Variants in PSTPIP1 observed in about 807,000 individuals in gnomAD.
The protein encoded by PSTPIP1 is proline-serine-threonine phosphatase-interacting protein 1.
Under a neutral mutation model 69.6 loss-of-function variants are expected in PSTPIP1, and 66 were observed. That is an observed-to-expected ratio of 0.95 (90% CI 0.78 to 1.16). The LOEUF (loss-of-function observed/expected upper bound fraction) is 1.16, where lower values mean the gene tolerates loss of function less well. PSTPIP1 is among the 50% of genes most tolerant of loss of function. The pLI, the probability that PSTPIP1 is intolerant of heterozygous loss-of-function variation, is 0.00. For synonymous variants in PSTPIP1, 266 were observed against 222.7 expected, an observed-to-expected ratio of 1.19 and a Z score of -1.73; for missense variants, 603 against 557.4, an observed-to-expected ratio of 1.08 and a Z score of -0.82.
chr15:77,008,817 G>A (rs1328740382), intron 1 of PSTPIP1, among the ~76,000 whole-genome samples: 1 of 152,130 alleles, frequency 6.6e-6, no homozygotes, highest in Non-Finnish European at 1.5e-5. Context: ...CTGGGGTAGG[G>A]GGAGCATCTG....
intron 1 of PSTPIP1, among the ~76,000 whole-genome samples, chr15:77,003,580 C>G (rs2075755812): frequency 6.6e-6 from 1 of 151,874 alleles, no homozygotes; most frequent in Non-Finnish European, 1.5e-5. Flanking sequence ...CGCTTGAACC[C>G]AGGAGGTGGA....
chr15:77,035,871 A>C lies in PSTPIP1; in HGVS notation c.1055A>C (p.Glu352Ala). Residue 352 changes from glutamate to alanine, a missense_variant, in exon 14 of 15, where the codon GAG (glutamate) becomes GCG (alanine). Coordinates refer to ENST00000558012, the MANE Select transcript of PSTPIP1 (RefSeq NM_003978.5). ...GTCTACACAGCCATCGCAGTGCAGG[A>C]GATACAGGGAAACCCGGCCTCACCA... The part of the protein sequence containing the change: ...EGVYTAIAVQ[E>A]IQGNPASPAQ... 3.7e-6 allele frequency: 6 copies of C among 1,610,606 alleles called. No homozygotes were observed. The highest frequency in any genetic ancestry group is 1.8e-4 in the Middle Eastern group (1 of 5,698).
chr15:77,005,438 G>A (rs2075796666), intron 1 of PSTPIP1, among the ~76,000 whole-genome samples: 1 of 152,138 alleles, frequency 6.6e-6, no homozygotes, highest in Non-Finnish European at 1.5e-5. Context: ...CATACATCTG[G>A]TTTTTACCAT....
At chr15:77,028,488 C>A in intron 6 of PSTPIP1, 66 bp from the exon 7 acceptor site, 1 of 1,354,414 alleles carries the variant, frequency 7.4e-7, no homozygotes, top group Non-Finnish European at 1.0e-6. Context: ...GCTAAGGGAG[C>A]CTCACTCCCG....
intron 1 of PSTPIP1, among the ~76,000 whole-genome samples, chr15:76,999,201 G>A (rs554343807): frequency 1.3e-5 from 2 of 152,234 alleles, no homozygotes; most frequent in East Asian, 1.9e-4. Flanking sequence ...GGCTGAGGAC[G>A]TGTTCATAGA....
intron 3 of PSTPIP1, among the ~76,000 whole-genome samples, chr15:77,019,089 C>T (rs547616901): frequency 6.6e-6 from 1 of 152,324 alleles, no homozygotes; most frequent in African/African-American, 2.4e-5. Flanking sequence ...TTAGCTGAGG[C>T]CTGGTTAGAG....
chr15:77,032,934 C>T lies in PSTPIP1; in HGVS notation c.911C>T (p.Ser304Phe). 6.2e-7 allele frequency: 1 copy of T among 1,604,332 alleles called. No homozygotes were observed. Among genetic ancestry groups the T allele is most frequent in the Middle Eastern group, 1.7e-4 (1 of 6,042 alleles). Residue 304 changes from serine (S) to phenylalanine (F), a missense_variant, in exon 12 of 15, where the codon TCC becomes TTC. Physicochemically the swap from Ser to Phe is radical, Grantham distance 155. Coordinates refer to ENST00000558012, the MANE Select transcript of PSTPIP1 (RefSeq NM_003978.5). ...PLTSSPGIQPSCGMIKRFSGL... is the reference protein window; with the variant it reads ...PLTSSPGIQPFCGMIKRFSGL... ...ACCAGCAGCCCTGGCATACAGCCGTCCTGCGGCATGATAAAGAGGTGAGGC... is the reference window on the plus strand; with the variant it reads ...ACCAGCAGCCCTGGCATACAGCCGTTCTGCGGCATGATAAAGAGGTGAGGC...
chr15:77,037,005 A>G (rs201221498), intron 14 of PSTPIP1, 40 bp from the exon 15 acceptor site: 453 of 1,600,066 alleles, frequency 2.8e-4, no homozygotes, highest in Non-Finnish European at 3.6e-4. Context: ...CCTTCCCTGC[A>G]GGCCCTTCCA....
Position 77,024,250 on chromosome 15 carries a change from C to G in PSTPIP1, c.213-1034C>G, listed in dbSNP as rs942048636. On this transcript the variant is annotated intron_variant, in intron 3 of 14. Coordinates refer to ENST00000558012, the MANE Select transcript of PSTPIP1 (RefSeq NM_003978.5). The stretch of plus-strand genomic sequence containing the variant: ...ATGCTGATGCCGCTGGTCTGTGGAC[C>G]TCACTTTGGGATCCACGAGTTTAGG... 33 of 152,346 alleles carry G rather than the reference C, an allele frequency of 2.2e-4. 1 individual carries two copies. Among genetic ancestry groups the G allele is most frequent in the African/African-American group, 7.7e-4 (32 of 41,568 alleles). 9.4% of individuals were successfully genotyped at this position (152,346 alleles called of 1,614,324 possible). A position where few individuals can be genotyped will look rare whatever the true frequency, so the allele number is the denominator to read the frequency against.
chr15:77,006,246 T>C (rs1316485776), intron 1 of PSTPIP1, among the ~76,000 whole-genome samples: 2 of 152,238 alleles, frequency 1.3e-5, no homozygotes, highest in Non-Finnish European at 2.9e-5. Context: ...TTCATGTGTT[T>C]ATTGGCCATT....
chr15:76,994,989 A>G (rs2075540598), upstream of PSTPIP1: 1 of 1,186,426 alleles, frequency 8.4e-7, no homozygotes, highest in African/African-American at 1.6e-5. Flanking sequence ...TCTGGAATAA[A>G]GTGAGCCCGC....
intron 3 of PSTPIP1, among the ~76,000 whole-genome samples, chr15:77,020,106 G>A (rs2076131634): frequency 6.6e-6 from 1 of 152,182 alleles, no homozygotes; most frequent in Admixed American, 6.5e-5. Context: ...TTTACAGCAG[G>A]GAAAGAGAAG....
chr15:77,001,387 G>C (rs1331369297), intron 1 of PSTPIP1, among the ~76,000 whole-genome samples: 1 of 152,230 alleles, frequency 6.6e-6, no homozygotes, highest in African/African-American at 2.4e-5. Flanking sequence ...AGGGACCCCA[G>C]AATGGCCTGG....
intron 1 of PSTPIP1, among the ~76,000 whole-genome samples, chr15:77,015,006 G>A (rs62007173): frequency 0.067 from 10,257 of 152,194 alleles, 391 homozygotes; most frequent in Middle Eastern, 0.1. Flanking sequence ...AATCCAGGAC[G>A]GGTTATCCTG....
intron 1 of PSTPIP1, among the ~76,000 whole-genome samples, chr15:77,000,553 A>G (rs1205473697): frequency 1.3e-5 from 2 of 152,034 alleles, no homozygotes; most frequent in African/African-American, 4.8e-5. Flanking sequence ...ATAAGATCCT[A>G]AAAGGAAAGT....
At chr15:77,034,700 C>T (rs1285033872) in intron 12 of PSTPIP1, among the ~76,000 whole-genome samples, 1 of 152,220 alleles carries the variant, frequency 6.6e-6, no homozygotes, top group Non-Finnish European at 1.5e-5. Flanking sequence ...AGTAAAGCTT[C>T]ACTCATCTTT....
intron 1 of PSTPIP1, among the ~76,000 whole-genome samples, chr15:77,010,911 G>A (rs2075920989): frequency 6.6e-6 from 1 of 152,122 alleles, no homozygotes; most frequent in Non-Finnish European, 1.5e-5. Context: ...CTCCCAAAGT[G>A]CTGGGATTTC....
intron 5 of PSTPIP1, among the ~76,000 whole-genome samples, chr15:77,025,835 C>A (rs556511522): frequency 6.6e-6 from 1 of 152,180 alleles, no homozygotes; most frequent in South Asian, 2.1e-4. Context: ...CATGGAAGGT[C>A]CTTCCTGTCG....
At chr15:77,025,937 G>T (rs2076270940) in intron 5 of PSTPIP1, among the ~76,000 whole-genome samples, 1 of 152,178 alleles carries the variant, frequency 6.6e-6, no homozygotes, top group South Asian at 2.1e-4. Flanking sequence ...TCTGAGTTGT[G>T]GGGGTCACTG....
Sources: allele counts gnomAD v4.1 joint callset (sites outside exome capture counted in the v4.1 genomes callset), GRCh38; gene constraint gnomAD v4.1.1; transcripts MANE v1.5; gene names NCBI Gene and HGNC (gene_info 2026-07-23, HGNC 2026-07-21).